SATB2: variants seen among roughly 807,000 people sequenced by gnomAD.
The protein encoded by SATB2 is SATB homeobox 2.
A neutral mutation model predicts 73.4 loss-of-function variants in SATB2; 1 was observed. The observed-to-expected ratio is 0.01, with a 90% CI of 0.00 to 0.06. The LOEUF is 0.06. SATB2 is among the 10% of genes least tolerant of loss of function. The pLI is 1.00. For missense variants in SATB2, 459 were observed against 945.8 expected (o/e 0.49, Z 6.75); for synonymous variants, 397 against 367.0 (o/e 1.08, Z -0.93).
intron 10 of SATB2, among the ~76,000 whole-genome samples, chr2:199,285,584 T>TA (rs1016693880): frequency 6.1e-5 from 9 of 148,518 alleles, no homozygotes; most frequent in Middle Eastern, 3.4e-3. Flanking sequence ...AATCTGTTAT[T>TA]AAAAAAAAAA....
intron 2 of SATB2, among the ~76,000 whole-genome samples, chr2:199,433,771 T>C (rs1422839994): frequency 3.9e-5 from 6 of 152,078 alleles, no homozygotes; most frequent in Non-Finnish European, 8.8e-5. Flanking sequence ...TCCTGGTACA[T>C]AGGTGAGATG....
chr2:199,437,903 A>T (rs1691698873), intron 2 of SATB2, among the ~76,000 whole-genome samples: 1 of 152,194 alleles, frequency 6.6e-6, no homozygotes, highest in Non-Finnish European at 1.5e-5. Context: ...TGAATGGCCT[A>T]TTATGCAAAT....
At chr2:199,451,449 T>TAAA (rs753267178) in intron 2 of SATB2, among the ~76,000 whole-genome samples, 6 of 129,832 alleles carry the variant, frequency 4.6e-5, no homozygotes, top group East Asian at 2.2e-4. Flanking sequence ...CTTAAAACCT[T>TAAA]AAAAAAAAAA....
At chr2:199,442,913 A>G (rs1009198337) in intron 2 of SATB2, among the ~76,000 whole-genome samples, 6 of 152,002 alleles carry the variant, frequency 3.9e-5, no homozygotes, top group African/African-American at 9.7e-5. Context: ...GCATATATGT[A>G]TAAGTCCTGA....
At chr2:199,289,706 C>A (rs958386482) in intron 10 of SATB2, among the ~76,000 whole-genome samples, 1 of 152,136 alleles carries the variant, frequency 6.6e-6, no homozygotes. Flanking sequence ...GGGAATTAAT[C>A]GTTAACGCTC....
chr2:199,407,307 AAG>A (rs1215969351), intron 3 of SATB2, among the ~76,000 whole-genome samples: 6 of 151,246 alleles, frequency 4.0e-5, no homozygotes, highest in African/African-American at 1.5e-4. Flanking sequence ...AAAAAAAAAA[AAG>A]AGAGAGAAGA....
chr2:199,318,983 T>C (rs1574500927), intron 9 of SATB2, among the ~76,000 whole-genome samples: 1 of 151,814 alleles, frequency 6.6e-6, no homozygotes, highest in African/African-American at 2.4e-5. Context: ...ATTTGTTAAG[T>C]AGTTGAGAAC....
chr2:199,347,581 G>C (rs1688691541), intron 7 of SATB2: 1 of 151,984 alleles, frequency 6.6e-6, no homozygotes, highest in African/African-American at 2.4e-5. Flanking sequence ...CACCCACATA[G>C]AGCTTAGCTT....
intron 10 of SATB2, among the ~76,000 whole-genome samples, chr2:199,279,217 T>C (rs2105718991): frequency 6.6e-6 from 1 of 152,326 alleles, no homozygotes; most frequent in Non-Finnish European, 1.5e-5. Flanking sequence ...TGCCCAGTCA[T>C]AAAGCACAAT....
intron 4 of SATB2, 146 bp from the exon 5 acceptor site, chr2:199,380,633 T>A: frequency 9.9e-7 from 1 of 1,013,566 alleles, no homozygotes; most frequent in Non-Finnish European, 1.5e-6. Flanking sequence ...GGAAGGGAAG[T>A]AAAACTGCTT....
At chr2:199,345,167 T>C (rs1294446475) in intron 7 of SATB2, among the ~76,000 whole-genome samples, 1 of 152,048 alleles carries the variant, frequency 6.6e-6, no homozygotes, top group African/African-American at 2.4e-5. Context: ...ATTTCTCCCC[T>C]TCTCTCCCCT....
rs549758073 is a variant in SATB2 at position 199,442,558 on chromosome 2, A to C, written c.170-9044T>G. Among the ~76,000 whole-genome samples the C allele has an allele frequency of 3.3e-5, 5 of 152,260 alleles. No individual in the cohort carries two copies. The South Asian group carries it at 1.0e-3, about 32-fold the overall frequency. On this transcript the variant is annotated intron_variant, in intron 2 of 10. Coordinates refer to ENST00000417098, the MANE Select transcript of SATB2 (RefSeq NM_001172509.2). ...AAGACAAAATGTTTAATGATCCTAGAATTTAAAAAACAACAACAAAAAATG... is the reference window on the plus strand; with the variant it reads ...AAGACAAAATGTTTAATGATCCTAGCATTTAAAAAACAACAACAAAAAATG...
chr2:199,387,237 T>A (rs913757898), intron 3 of SATB2, among the ~76,000 whole-genome samples: 7 of 152,150 alleles, frequency 4.6e-5, no homozygotes, highest in Non-Finnish European at 1.0e-4. Context: ...CAATATCCTT[T>A]CTGCTCAGCT....
At chr2:199,410,247 C>T (rs1175126158) in intron 3 of SATB2, among the ~76,000 whole-genome samples, 1 of 152,180 alleles carries the variant, frequency 6.6e-6, no homozygotes, top group Non-Finnish European at 1.5e-5. Context: ...TGAAAGGACG[C>T]TTGGGTCAGC....
At chr2:199,328,963 T>G (rs1164561139) in intron 7 of SATB2, 53 bp from the exon 8 acceptor site, 4 of 1,409,234 alleles carry the variant, frequency 2.8e-6, no homozygotes, top group African/African-American at 1.4e-5. Context: ...GGTATATGTG[T>G]GTGGTTTCTG....
intron 9 of SATB2, among the ~76,000 whole-genome samples, chr2:199,322,999 A>G (rs956280236): frequency 6.6e-6 from 1 of 152,104 alleles, no homozygotes; most frequent in Non-Finnish European, 1.5e-5. Flanking sequence ...TCCACTCTGC[A>G]TTAGGTGTTC....
chr2:199,427,525 G>A (rs1442681914), intron 3 of SATB2, among the ~76,000 whole-genome samples: 1 of 151,906 alleles, frequency 6.6e-6, no homozygotes, highest in East Asian at 1.9e-4. Context: ...TTCTAAGATA[G>A]TCTTTATCTT....
At chr2:199,388,929 G>A (rs1690038160) in intron 3 of SATB2, among the ~76,000 whole-genome samples, 1 of 151,998 alleles carries the variant, frequency 6.6e-6, no homozygotes, top group Non-Finnish European at 1.5e-5. Flanking sequence ...ATATGCTATA[G>A]CATATAATTT....
In SATB2 at chr2:199,271,807, T is replaced by TAC; in HGVS notation, c.*402_*403dup. The TAC allele has an allele frequency of 3.5e-6, 1 of 285,994 alleles. No individual in the cohort carries two copies. The highest frequency in any genetic ancestry group is 3.9e-5 in the South Asian group (1 of 25,740). The allele number at this position is 285,994 out of a possible 1,614,324, so 17.7% of individuals were successfully genotyped here. On this transcript the variant is annotated 3_prime_UTR_variant, in exon 11 of 11. Coordinates refer to ENST00000417098, the MANE Select transcript of SATB2 (RefSeq NM_001172509.2). Reference sequence around the variant, plus strand: ...ATATAGAGATATATACATATACATATACACACACACTTGTAGCTTCCTTCA... The same window carrying TAC: ...ATATAGAGATATATACATATACATATACACACACACACTTGTAGCTTCCTTCA...
Sources: gnomAD v4.1 joint callset for allele counts (sites outside exome capture counted in the v4.1 genomes callset) on GRCh38, gnomAD v4.1.1 for gene constraint, MANE v1.5 for transcripts, NCBI Gene and HGNC (gene_info 2026-07-23, HGNC 2026-07-21) for gene names.